SVOPL: variants seen among roughly 807,000 people sequenced by gnomAD.
SVOPL encodes the protein SVOP like.
Under a neutral mutation model 61.0 loss-of-function variants are expected in SVOPL, and 60 were observed. The observed-to-expected ratio is 0.98, with a 90% CI of 0.80 to 1.22. The LOEUF (loss-of-function observed/expected upper bound fraction) is 1.22. Ranked by LOEUF, SVOPL falls within the 50% of genes most tolerant of loss-of-function variation. SVOPL has a pLI of 0.00. For synonymous variants in SVOPL, 279 were observed against 250.0 expected, an observed-to-expected ratio of 1.12 and a Z score of -1.09; for missense variants, 662 against 643.9, an observed-to-expected ratio of 1.03 and a Z score of -0.30.
intron 14 of SVOPL, among the ~76,000 whole-genome samples, chr7:138,614,663 T>C (rs937752245): frequency 2.0e-5 from 3 of 152,112 alleles, no homozygotes; most frequent in African/African-American, 7.2e-5. Context: ...CCCAAAGTGT[T>C]AGGATTACAG....
intron 5 of SVOPL, chr7:138,661,256 T>C: frequency 1.0e-6 from 1 of 985,450 alleles, no homozygotes; most frequent in Non-Finnish European, 1.2e-6. Context: ...TGATGTCTAA[T>C]CTTAGTAGGC....
chr7:138,681,781 C>T (rs1280845559), intron 1 of SVOPL, among the ~76,000 whole-genome samples: 2 of 152,062 alleles, frequency 1.3e-5, no homozygotes, highest in Non-Finnish European at 2.9e-5. Flanking sequence ...CAAGATTGGG[C>T]CACTGCACTC....
chr7:138,692,515 C>T (rs535919032), intron 1 of SVOPL, among the ~76,000 whole-genome samples: 2 of 152,090 alleles, frequency 1.3e-5, no homozygotes, highest in South Asian at 4.2e-4. Flanking sequence ...TAACAAAAGT[C>T]AACATAATAG....
chr7:138,666,934 A>G (rs1272069952), intron 4 of SVOPL, among the ~76,000 whole-genome samples: 1 of 152,144 alleles, frequency 6.6e-6, no homozygotes, highest in Non-Finnish European at 1.5e-5. Flanking sequence ...AGCAACTTCA[A>G]TGCACACTGG....
At chr7:138,662,664 C>A (rs1021743983) in intron 5 of SVOPL, 3 of 1,008,384 alleles carry the variant, frequency 3.0e-6, no homozygotes, top group Non-Finnish European at 2.4e-6. Context: ...TGTGTGCCCC[C>A]ACTGATATCA....
intron 12 of SVOPL, 101 bp downstream of exon 12, chr7:138,627,249 G>T: frequency 1.2e-6 from 1 of 838,980 alleles, no homozygotes; most frequent in Non-Finnish European, 1.9e-6. Context: ...CTACTCTCCT[G>T]GGTGAAAGTG....
chr7:138,642,866 TTAATAATAATATA>T (rs1800893467), intron 9 of SVOPL, among the ~76,000 whole-genome samples: 3 of 141,766 alleles, frequency 2.1e-5, no homozygotes, highest in Admixed American at 1.4e-4. Flanking sequence ...AACAAAATTT[TTAATAATAATATA>T]TATAACCAAA....
chr7:138,610,191 T>C (rs1486449793), intron 14 of SVOPL, among the ~76,000 whole-genome samples: 1 of 152,158 alleles, frequency 6.6e-6, no homozygotes, highest in Admixed American at 6.5e-5. Context: ...GTCTACAACA[T>C]ACGAACAAAA....
rs530858889 is a variant in SVOPL, at chr7:138,684,493, T to C, written c.-34-5414A>G. 4.6e-5 allele frequency among the ~76,000 whole-genome samples: 7 copies of C among 152,182 alleles called. No individual in the cohort carries two copies. The South Asian group carries it at 1.5e-3, about 32-fold the overall frequency. ...ATACAAATTGCCGATAGGCAGCCAG[T>C]ACAAATGGCCAATGAAAAGGTGCAG... On this transcript the variant is annotated intron_variant, in intron 1 of 15. Coordinates refer to ENST00000674285, the MANE Select transcript of SVOPL (RefSeq NM_001139456.2).
chr7:138,641,909 G>C (rs1299573943), intron 9 of SVOPL, among the ~76,000 whole-genome samples: 1 of 72,106 alleles, frequency 1.4e-5, no homozygotes, highest in Non-Finnish European at 2.7e-5. Flanking sequence ...CAGTCAATGA[G>C]TATATATGTA....
intron 4 of SVOPL, among the ~76,000 whole-genome samples, chr7:138,667,701 G>C (rs1308608179): frequency 6.6e-6 from 1 of 152,084 alleles, no homozygotes; most frequent in Non-Finnish European, 1.5e-5. Context: ...GGAAACCTCT[G>C]CTTCAAGCCA....
At chr7:138,628,132 G>T (rs1397553450) in intron 11 of SVOPL, 26 bp downstream of exon 11, 2 of 1,613,650 alleles carry the variant, frequency 1.2e-6, no homozygotes, top group Non-Finnish European at 8.5e-7. Context: ...AAGACAGAGA[G>T]ACCCAACACG....
intron 1 of SVOPL, among the ~76,000 whole-genome samples, chr7:138,690,754 G>A (rs1393710757): frequency 6.6e-6 from 1 of 150,734 alleles, no homozygotes; most frequent in Non-Finnish European, 1.5e-5. Flanking sequence ...TCACTGAATT[G>A]TACCCTTTTC....
rs11440977 is a variant in SVOPL at position 138,619,561 on chromosome 7, T to TAAAA, written c.1353+1481_1353+1484dup. ...GGGATTAGCTTGGTTTCTCAGATGT[T>TAAAA]AAAAAAAAAAAAAAAAAAAAAAAAA... On this transcript the variant is annotated intron_variant, in intron 14 of 15. Coordinates refer to ENST00000674285, the MANE Select transcript of SVOPL (RefSeq NM_001139456.2). Among the ~76,000 whole-genome samples the TAAAA allele has an allele frequency of 1.5e-3, 91 of 60,314 alleles. 1 individual carries two copies. The highest frequency in any genetic ancestry group is 3.9e-3 in the African/African-American group (65 of 16,776). 39.6% of individuals were successfully genotyped at this position (60,314 alleles called of 152,430 possible). A position where few individuals can be genotyped will look rare whatever the true frequency, so the allele number is the denominator to read the frequency against.
At chr7:138,693,247 T>G (rs931509983) in intron 1 of SVOPL, among the ~76,000 whole-genome samples, 3 of 152,062 alleles carry the variant, frequency 2.0e-5, no homozygotes, top group African/African-American at 7.2e-5. Context: ...GGTTCACGCC[T>G]GTCATCTCAG....
chr7:138,611,899 C>G (rs558726958), intron 14 of SVOPL, among the ~76,000 whole-genome samples: 6 of 32,146 alleles, frequency 1.9e-4, no homozygotes, highest in Non-Finnish European at 3.1e-4. Context: ...GAGGTGTGCC[C>G]AACAGCTCAT....
intron 3 of SVOPL, among the ~76,000 whole-genome samples, chr7:138,677,245 G>A (rs908291458): frequency 1.1e-4 from 17 of 152,202 alleles, no homozygotes; most frequent in Non-Finnish European, 1.9e-4. Flanking sequence ...GGACTGGAGA[G>A]CCCAGAGCCT....
intron 14 of SVOPL, among the ~76,000 whole-genome samples, chr7:138,603,992 T>A (rs1798642630): frequency 1.4e-5 from 2 of 145,072 alleles, no homozygotes; most frequent in Non-Finnish European, 3.0e-5. Flanking sequence ...TGAGACAGCG[T>A]CTCACTCTGT....
chr7:138,700,685 G>GATGC (rs1369748549), intron 1 of SVOPL, among the ~76,000 whole-genome samples: 1 of 147,582 alleles, frequency 6.8e-6, no homozygotes, highest in Non-Finnish European at 1.5e-5. Flanking sequence ...TAAGAGGATG[G>GATGC]ATGGATGGAT....
Sources: allele counts gnomAD v4.1 joint callset (sites outside exome capture counted in the v4.1 genomes callset), GRCh38; gene constraint gnomAD v4.1.1; transcripts MANE v1.5; gene names NCBI Gene and HGNC (gene_info 2026-07-23, HGNC 2026-07-21).